WASHC2C: variants seen among roughly 807,000 people sequenced by gnomAD.
The protein encoded by WASHC2C is WASH complex subunit 2C.
Under a neutral mutation model 142.2 loss-of-function variants are expected in WASHC2C, and 73 were observed. The ratio of observed to expected loss-of-function variants is 0.51; its 90% confidence interval spans 0.43 to 0.62. The LOEUF is 0.62. Among genes scored for constraint, WASHC2C ranks in the 20% least tolerant of loss-of-function variants. The probability of loss-of-function intolerance (pLI) is 0.00; values close to 1 mark genes in which losing one functional copy is unlikely to be tolerated. For missense variants in WASHC2C, 969 were observed against 1,531.7 expected (o/e 0.63, Z 6.13); for synonymous variants, 337 against 565.5 (o/e 0.60, Z 5.73).
intron 3 of WASHC2C, among the ~76,000 whole-genome samples, chr10:45,731,301 ACATCCGC>A (rs1403863798): frequency 1.5e-5 from 2 of 133,632 alleles, no homozygotes; most frequent in African/African-American, 5.8e-5. Context: ...GCTCACTGCA[ACATCCGC>A]CTCCCGTGTT....
chr10:45,741,924 G>C (rs1377465679), intron 5 of WASHC2C, among the ~76,000 whole-genome samples: 10 of 151,544 alleles, frequency 6.6e-5, no homozygotes, highest in Non-Finnish European at 1.3e-4. Flanking sequence ...CTTCCAAGTA[G>C]CTGGGATTAC....
intron 11 of WASHC2C, among the ~76,000 whole-genome samples, chr10:45,752,284 G>A (rs2053693632): frequency 6.6e-6 from 1 of 152,292 alleles, no homozygotes; most frequent in African/African-American, 2.4e-5. Context: ...GGTCTTGAAT[G>A]TGGCGTCTGA....
chr10:45,752,448 A>G (rs1260681334), intron 11 of WASHC2C, 140 bp from the exon 12 acceptor site: 14 of 723,528 alleles, frequency 1.9e-5, no homozygotes, highest in African/African-American at 5.3e-5. Flanking sequence ...TGTGAAATTC[A>G]TCAGACTGCC....
rs1377730393 is a variant in WASHC2C at position 45,739,221 on chromosome 10, C to G, written c.355-852C>G. 2.0e-5 allele frequency among the ~76,000 whole-genome samples: 3 copies of G among 150,780 alleles called. No individual in the cohort carries two copies. In the East Asian group the frequency reaches 5.8e-4, roughly 29 times the overall value. ...CATATCCAAATAGAAAAATACACAACCAAGACAAAAAAGTTCAGTTAGAAA... is the reference window on the plus strand; with the variant it reads ...CATATCCAAATAGAAAAATACACAAGCAAGACAAAAAAGTTCAGTTAGAAA... On this transcript the variant is annotated intron_variant, in intron 4 of 30. Transcript: ENST00000623400.
At chr10:45,746,572 A>G in intron 7 of WASHC2C, 28 bp from the exon 8 acceptor site, 5 of 1,612,556 alleles carry the variant, frequency 3.1e-6, no homozygotes, top group Non-Finnish European at 4.2e-6. Flanking sequence ...AGCCCATTTA[A>G]CAACAAAGCC....
chr10:45,764,886 T>C (rs1262855353), intron 18 of WASHC2C, among the ~76,000 whole-genome samples: 11 of 151,664 alleles, frequency 7.3e-5, no homozygotes, highest in Non-Finnish European at 1.3e-4. Context: ...TCCTGGCCTG[T>C]CCTACATTAC....
chr10:45,762,740 C>T (rs1389427506), intron 17 of WASHC2C, among the ~76,000 whole-genome samples: 2 of 151,986 alleles, frequency 1.3e-5, no homozygotes, highest in Non-Finnish European at 2.9e-5. Flanking sequence ...CCCGTCTCTA[C>T]TAAAAATACA....
At chr10:45,787,716 T>C (rs2058147327) in intron 28 of WASHC2C, among the ~76,000 whole-genome samples, 1 of 151,952 alleles carries the variant, frequency 6.6e-6, no homozygotes, top group African/African-American at 2.4e-5. Flanking sequence ...GCACACCAGG[T>C]GCCACTCCCT....
At chr10:45,770,023 G>T (rs1485145223) in intron 20 of WASHC2C, among the ~76,000 whole-genome samples, 1 of 151,098 alleles carries the variant, frequency 6.6e-6, no homozygotes, top group South Asian at 2.1e-4. Context: ...GGCAGATCAC[G>T]ATGTCAGGAG....
chr10:45,748,470 A>G (rs1364994516), intron 8 of WASHC2C, among the ~76,000 whole-genome samples: 10 of 151,956 alleles, frequency 6.6e-5, no homozygotes, highest in African/African-American at 2.4e-4. Context: ...TTGTATTTTT[A>G]GTGGAGATGG....
chr10:45,784,252 GTATATATATATATATATA>G (rs71225139), intron 23 of WASHC2C, among the ~76,000 whole-genome samples: 5 of 40,736 alleles, frequency 1.2e-4, no homozygotes, highest in African/African-American at 3.9e-4. Context: ...GTGTGTGTGT[GTATATATATATATATATA>G]TATATATATA....
Position 45,754,985 on chromosome 10 carries a change from A to G in WASHC2C, c.1290A>G (p.Pro430=). 4 of 1,611,954 alleles carry G rather than the reference A, an allele frequency of 2.5e-6. No homozygotes were observed. Among genetic ancestry groups the G allele is most frequent in the Non-Finnish European group, 3.4e-6 (4 of 1,179,850 alleles). ...CCTCCGTTCCATCACTGAAGGAGCCACAGAAGCCTGAGCAGCCCACTCCAA... is the reference window on the plus strand; with the variant it reads ...CCTCCGTTCCATCACTGAAGGAGCCGCAGAAGCCTGAGCAGCCCACTCCAA... The part of the protein sequence containing the change: ...GAASVPSLKE[P]QKPEQPTPRK... The change falls in exon 15 of 31, where the codon CCA becomes CCG. Residue 430 remains proline, a synonymous_variant. Coordinates refer to ENST00000623400, the MANE Select transcript of WASHC2C (RefSeq NM_001330074.2).
chr10:45,742,507 G>T (rs2052226161), intron 5 of WASHC2C, among the ~76,000 whole-genome samples: 1 of 152,228 alleles, frequency 6.6e-6, no homozygotes, highest in Middle Eastern at 3.4e-3. Context: ...GTAGATATTG[G>T]GTTTCACCAC....
chr10:45,743,393 C>G lies in WASHC2C; in HGVS notation c.532C>G (p.Leu178Val). The G allele has an allele frequency of 6.2e-7, 1 of 1,611,920 alleles. No homozygotes were observed. The highest frequency in any genetic ancestry group is 8.5e-7 in the Non-Finnish European group (1 of 1,179,844). ...CTATTCCTTTCATCATGTACAGGAT[C>G]TATACATTGATCGTCCTTTACCATA... ...RVELILEPKD[L>V]YIDRPLPYLI... The change falls in exon 6 of 31, where the codon CTA becomes GTA. Residue 178 changes from leucine to valine, a missense_variant. Leu to Val is a conservative substitution (Grantham distance 32). Coordinates refer to ENST00000623400, the MANE Select transcript of WASHC2C (RefSeq NM_001330074.2).
At position 45,729,036 on chromosome 10, in the gene WASHC2C, T is replaced by A; in HGVS notation, c.291+10T>A. The A allele has an allele frequency of 6.2e-7, 1 of 1,607,724 alleles. No homozygotes were observed. Among genetic ancestry groups the A allele is most frequent in the Non-Finnish European group, 8.5e-7 (1 of 1,177,702 alleles). On this transcript the variant is annotated intron_variant, in intron 3 of 30. Transcript: ENST00000623400. ...CCAGTTCATAGAGAATGTGAGTTAT[T>A]TAGTTATATTATAATTCCTTTTTTG...
rs782728565 is a variant in WASHC2C, at chr10:45,731,793, C to CTTTT, written c.291+2783_291+2786dup. On this transcript the variant is annotated intron_variant, in intron 3 of 30. Transcript: ENST00000623400. ...TGATATATATTTGTAAGTGATCTGG[C>CTTTT]TTTTTTTTTTTTTTTTTTTGAGACG... 2.3e-4 allele frequency among the ~76,000 whole-genome samples: 25 copies of CTTTT among 109,864 alleles called. 1 individual carries two copies. Among genetic ancestry groups the CTTTT allele is most frequent in the East Asian group, 5.6e-4 (2 of 3,570 alleles). The allele number at this position is 109,864 out of a possible 152,430, so 72.1% of individuals were successfully genotyped here.
At chr10:45,748,841 T>C (rs1554872516) in intron 8 of WASHC2C, among the ~76,000 whole-genome samples, 1 of 152,192 alleles carries the variant, frequency 6.6e-6, no homozygotes, top group African/African-American at 2.4e-5. Context: ...AGCCTTCCAG[T>C]CCTTTCCTTC....
rs1199507807 is a variant in WASHC2C, at chr10:45,789,071, G to GGCAGCT, written c.3291_3296dup (p.Ala1100_Ala1101dup). 3.7e-6 allele frequency: 6 copies of GGCAGCT among 1,611,936 alleles called. No homozygotes were observed. The African/African-American group carries it at 8.0e-5, about 22-fold the overall frequency. ...GAGAAGACAGCACTGAGGAGGCCCT[G>GGCAGCT]GCAGCTGCCGCTGCACCTTGGGAAG... On this transcript the variant is annotated inframe_insertion, in exon 29 of 31. Coordinates refer to ENST00000623400, the MANE Select transcript of WASHC2C (RefSeq NM_001330074.2).
rs782085205 is a variant in WASHC2C, at chr10:45,765,759, C to T, written c.1818C>T (p.Ser606=). Residue 606 remains serine (S), a synonymous_variant, in exon 19 of 31, where the codon TCC becomes TCT. Coordinates refer to ENST00000623400, the MANE Select transcript of WASHC2C (RefSeq NM_001330074.2). The stretch of plus-strand genomic sequence containing the variant: ...AGAGAGAAGAGAAAGCAAAAGCCTC[C>T]GAGCTCTCCAAAAAGAAAGCATCTG... The part of the protein sequence containing the change: ...QAQREEKAKA[S]ELSKKKASAL... 2.4e-5 allele frequency: 38 copies of T among 1,611,996 alleles called. No homozygotes were observed. The highest frequency in any genetic ancestry group is 2.0e-4 in the African/African-American group (15 of 74,962).
Sources: gnomAD v4.1 joint callset for allele counts (sites outside exome capture counted in the v4.1 genomes callset) on GRCh38, gnomAD v4.1.1 for gene constraint, MANE v1.5 for transcripts, NCBI Gene and HGNC (gene_info 2026-07-23, HGNC 2026-07-21) for gene names.